THEMIS: variants seen among roughly 807,000 people sequenced by gnomAD.
THEMIS encodes protein THEMIS.
A neutral mutation model predicts 52.6 loss-of-function variants in THEMIS; 37 were observed. The observed-to-expected ratio is 0.70, with a 90% CI of 0.54 to 0.93. The LOEUF (loss-of-function observed/expected upper bound fraction) is 0.93, where lower values mean the gene tolerates loss of function less well. Ranked by LOEUF, THEMIS falls within the 40% of genes least tolerant of loss-of-function variation. THEMIS has a pLI of 0.00. For missense variants in THEMIS, 808 were observed against 763.1 expected, an observed-to-expected ratio of 1.06 and a Z score of -0.69; for synonymous variants, 292 against 272.7, an observed-to-expected ratio of 1.07 and a Z score of -0.70.
intron 4 of THEMIS, among the ~76,000 whole-genome samples, chr6:127,731,449 T>C (rs1192245394): frequency 6.6e-6 from 1 of 152,310 alleles, no homozygotes; most frequent in East Asian, 1.9e-4. Context: ...AGTCATTTGT[T>C]CATACAAACT....
chr6:127,859,005 T>C (rs1486048127), intron 1 of THEMIS, among the ~76,000 whole-genome samples: 1 of 152,102 alleles, frequency 6.6e-6, no homozygotes, highest in Non-Finnish European at 1.5e-5. Flanking sequence ...TGACAATCCA[T>C]ATAAGCAATG....
intron 4 of THEMIS, among the ~76,000 whole-genome samples, chr6:127,774,521 TCTTACGG>T (rs1776494497): frequency 1.3e-5 from 2 of 152,192 alleles, no homozygotes; most frequent in Non-Finnish European, 2.9e-5. Context: ...TACCAGGCCT[TCTTACGG>T]CTTACACCAG....
At chr6:127,825,845 A>G (rs1489302596) in intron 3 of THEMIS, among the ~76,000 whole-genome samples, 1 of 151,690 alleles carries the variant, frequency 6.6e-6, no homozygotes, top group Non-Finnish European at 1.5e-5. Context: ...AGAATGCTCT[A>G]AGACTTAGGA....
At chr6:127,759,340 A>G (rs1775937843) in intron 4 of THEMIS, among the ~76,000 whole-genome samples, 1 of 152,210 alleles carries the variant, frequency 6.6e-6, no homozygotes, top group Non-Finnish European at 1.5e-5. Flanking sequence ...TGACACCAAA[A>G]TATACATCTC....
At chr6:127,772,703 G>A (rs1776429134) in intron 4 of THEMIS, among the ~76,000 whole-genome samples, 1 of 152,086 alleles carries the variant, frequency 6.6e-6, no homozygotes, top group Non-Finnish European at 1.5e-5. Context: ...CTTGCCAACA[G>A]ATTCTAATTC....
At chr6:127,855,658 G>T (rs1361171231) in intron 1 of THEMIS, among the ~76,000 whole-genome samples, 1 of 151,848 alleles carries the variant, frequency 6.6e-6, no homozygotes, top group African/African-American at 2.4e-5. Context: ...TATTAGATCT[G>T]GTTCTCTTCA....
intron 4 of THEMIS, among the ~76,000 whole-genome samples, chr6:127,725,082 T>C (rs1583201597): frequency 6.6e-6 from 1 of 152,178 alleles, no homozygotes; most frequent in Non-Finnish European, 1.5e-5. Context: ...GTATCCTAGA[T>C]AATGTACTTT....
Position 127,748,263 on chromosome 6 carries a change from G to T in THEMIS, c.1759-28440C>A, listed in dbSNP as rs564994765. ...GGAGAGAGTTTTATTCTGGCTCATG[G>T]TTCAGGAGTCTGGGAAGTCTAAAAA... On this transcript the variant is annotated intron_variant, in intron 4 of 5. Coordinates refer to ENST00000368248, the MANE Select transcript of THEMIS (RefSeq NM_001010923.3). Among the ~76,000 whole-genome samples, 18 of 152,186 alleles carry T rather than the reference G, an allele frequency of 1.2e-4. No individual in the cohort carries two copies. In the South Asian group the frequency reaches 2.1e-3, roughly 18 times the overall value.
intron 1 of THEMIS, among the ~76,000 whole-genome samples, chr6:127,916,250 G>A (rs892064879): frequency 1.6e-4 from 24 of 151,452 alleles, no homozygotes; most frequent in African/African-American, 5.8e-4. Flanking sequence ...ATATAGATAT[G>A]TATGTATATG....
At chr6:127,773,868 G>A (rs1465512400) in intron 4 of THEMIS, among the ~76,000 whole-genome samples, 1 of 152,100 alleles carries the variant, frequency 6.6e-6, no homozygotes, top group African/African-American at 2.4e-5. Flanking sequence ...ACAGTTAATG[G>A]CTTATATTAG....
At chr6:127,857,431 T>C (rs1779653616) in intron 1 of THEMIS, among the ~76,000 whole-genome samples, 1 of 152,002 alleles carries the variant, frequency 6.6e-6, no homozygotes, top group Middle Eastern at 3.2e-3. Context: ...AAGTACTTTG[T>C]TATGTCTAAA....
intron 1 of THEMIS, among the ~76,000 whole-genome samples, chr6:127,896,509 A>G (rs1780972163): frequency 6.6e-6 from 1 of 151,588 alleles, no homozygotes; most frequent in Non-Finnish European, 1.5e-5. Flanking sequence ...AAAGAGCTAT[A>G]CCAGATTAGT....
At chr6:127,757,005 AC>A (rs1463561618) in intron 4 of THEMIS, among the ~76,000 whole-genome samples, 10 of 152,248 alleles carry the variant, frequency 6.6e-5, no homozygotes, top group African/African-American at 2.4e-4. Flanking sequence ...AAGTAAAAAA[AC>A]AATTCTTTTA....
chr6:127,893,801 C>T (rs1200596197), intron 1 of THEMIS, among the ~76,000 whole-genome samples: 1 of 152,040 alleles, frequency 6.6e-6, no homozygotes, highest in Non-Finnish European at 1.5e-5. Context: ...AATCTGGCTC[C>T]ACTGCCTGAA....
intron 1 of THEMIS, among the ~76,000 whole-genome samples, chr6:127,870,637 G>T (rs1780129315): frequency 6.6e-6 from 1 of 151,906 alleles, no homozygotes; most frequent in Non-Finnish European, 1.5e-5. Flanking sequence ...GAAGATGGAT[G>T]GAAAATGATA....
intron 3 of THEMIS, among the ~76,000 whole-genome samples, chr6:127,825,586 T>G (rs887048898): frequency 6.6e-6 from 1 of 152,180 alleles, no homozygotes. Context: ...GAGGGAGTTA[T>G]TTGATTTCAG....
chr6:127,797,591 C>G (rs1777372725), intron 4 of THEMIS, among the ~76,000 whole-genome samples: 1 of 152,202 alleles, frequency 6.6e-6, no homozygotes, highest in Non-Finnish European at 1.5e-5. Flanking sequence ...TCTTCCAACT[C>G]CTACAGCTCA....
At chr6:127,859,620 A>G (rs1239937041) in intron 1 of THEMIS, among the ~76,000 whole-genome samples, 2 of 152,084 alleles carry the variant, frequency 1.3e-5, no homozygotes, top group African/African-American at 4.8e-5. Flanking sequence ...GTCAAGTCAA[A>G]GGTTTTTGCA....
chr6:127,717,533 T>C (rs1380455307), intron 5 of THEMIS, among the ~76,000 whole-genome samples: 5 of 151,866 alleles, frequency 3.3e-5, no homozygotes. Flanking sequence ...TCTGGTGAAA[T>C]GTTTTCATCA....
Sources: allele counts gnomAD v4.1 joint callset (sites outside exome capture counted in the v4.1 genomes callset), GRCh38; gene constraint gnomAD v4.1.1; transcripts MANE v1.5; gene names NCBI Gene and HGNC (gene_info 2026-07-23, HGNC 2026-07-21).